The following SATL1 variants were observed in gnomAD, a reference collection of about 807,000 sequenced individuals.
SATL1 encodes the protein spermidine/spermine N(1)-acetyltransferase-like protein 1.
Under a neutral mutation model 51.8 loss-of-function variants are expected in SATL1, and 47 were observed. The ratio of observed to expected loss-of-function variants is 0.91; its 90% CI spans 0.72 to 1.16. SATL1 has a LOEUF of 1.16. Among genes scored for constraint, SATL1 ranks in the 50% most tolerant of loss-of-function variants. The probability of loss-of-function intolerance (pLI) is 0.00; values close to 1 mark genes in which losing one functional copy is unlikely to be tolerated. For synonymous variants in SATL1, 176 were observed against 182.4 expected (o/e 0.97, Z 0.28); for missense variants, 520 against 526.4 (o/e 0.99, Z 0.12).
intron 2 of SATL1, among the ~76,000 whole-genome samples, chrX:85,146,401 T>C (rs942270154): frequency 2.7e-5 from 3 of 111,887 alleles, no homozygotes. Flanking sequence ...TTTACCCTGA[T>C]ATGATGAATA....
At chrX:85,095,805 G>A (rs1375930118) in intron 4 of SATL1, among the ~76,000 whole-genome samples, 1 of 83,908 alleles carries the variant, frequency 1.2e-5, no homozygotes, top group East Asian at 3.8e-4. Flanking sequence ...CAGCCTGGGC[G>A]ACAGAGCGAG....
intron 2 of SATL1, among the ~76,000 whole-genome samples, chrX:85,170,244 T>C (rs977189194): frequency 2.7e-5 from 3 of 111,042 alleles, no homozygotes; most frequent in African/African-American, 9.8e-5. Context: ...TTTTCCTCTA[T>C]AACAAACCTG....
intron 2 of SATL1, chrX:85,156,481 C>T (rs1047885053): frequency 9.1e-6 from 1 of 110,121 alleles, no homozygotes; most frequent in South Asian, 3.8e-4. Context: ...AGAAATGCCT[C>T]GGAGAAACAA....
chrX:85,232,334 C>T (rs1169324421), intron 1 of SATL1, among the ~76,000 whole-genome samples: 4 of 110,893 alleles, frequency 3.6e-5, no homozygotes, highest in South Asian at 3.9e-4. Flanking sequence ...CTTAAGGTGG[C>T]GAGTGCTGGC....
At chrX:85,208,476 A>G (rs182313492) in intron 2 of SATL1, among the ~76,000 whole-genome samples, 1 of 111,569 alleles carries the variant, frequency 9.0e-6, no homozygotes, top group African/African-American at 3.3e-5. Flanking sequence ...GGATCGCCAC[A>G]CTGTCTTCCA....
intron 2 of SATL1, among the ~76,000 whole-genome samples, chrX:85,206,316 TCAA>T (rs762863765): frequency 1.4e-4 from 16 of 111,606 alleles, no homozygotes; most frequent in Admixed American, 3.8e-4. Flanking sequence ...CTTAGATACT[TCAA>T]CACTTAGAGG....
chrX:85,233,717 A>G (rs1370804831), intron 1 of SATL1, among the ~76,000 whole-genome samples: 1 of 112,166 alleles, frequency 8.9e-6, no homozygotes, highest in Non-Finnish European at 1.9e-5. Context: ...GCTTTGAGAT[A>G]GATTATTTGA....
intron 2 of SATL1, among the ~76,000 whole-genome samples, chrX:85,160,840 T>A (rs1926702114): frequency 9.0e-6 from 1 of 110,606 alleles, no homozygotes; most frequent in Non-Finnish European, 1.9e-5. Flanking sequence ...CTCCAGTAAG[T>A]TACTTCACAA....
chrX:85,147,974 G>C (rs778925335), intron 2 of SATL1, among the ~76,000 whole-genome samples: 2 of 112,278 alleles, frequency 1.8e-5, no homozygotes, highest in African/African-American at 6.5e-5. Context: ...GTTGGACGGA[G>C]AATGACTTTG....
intron 2 of SATL1, among the ~76,000 whole-genome samples, chrX:85,185,616 C>G (rs1174052774): frequency 1.8e-5 from 2 of 111,721 alleles, no homozygotes; most frequent in African/African-American, 6.5e-5. Context: ...CTACCCCAGG[C>G]CTGTGGCAAG....
rs747903113 is a variant in SATL1 at position 85,107,671 on chromosome X, G to A, written c.1298C>T (p.Pro433Leu). 2.5e-6 allele frequency: 3 copies of A among 1,208,626 alleles called. No homozygotes were observed. The highest frequency in any genetic ancestry group is 3.4e-6 in the Non-Finnish European group (3 of 894,425). ...QPVPRQPNKS[P>L]PGMWQRGMWQ... ...CATGCCTCGTTGCCACATGCCTGGT[G>A]GACTCTTGTTTGGTTGCCTCGGGAC... Residue 433 changes from proline (P) to leucine (L), a missense_variant, in exon 3 of 8, where the codon CCA becomes CTA. Around this residue, in one of 3 missense-constraint regions of SATL1, gnomAD observed 488 missense variants for 474.3 expected, o/e 1.03. Coordinates refer to ENST00000644105, the MANE Select transcript of SATL1 (RefSeq NM_001367857.2).
intron 2 of SATL1, among the ~76,000 whole-genome samples, chrX:85,186,806 T>G (rs1211334084): frequency 8.9e-6 from 1 of 111,940 alleles, no homozygotes; most frequent in Non-Finnish European, 1.9e-5. Context: ...GTGTGATTGT[T>G]CACCTGATTT....
At chrX:85,141,764 A>C (rs1359960313) in intron 2 of SATL1, among the ~76,000 whole-genome samples, 1 of 109,816 alleles carries the variant, frequency 9.1e-6, no homozygotes, top group Non-Finnish European at 1.9e-5. Flanking sequence ...CCTGTCAAAA[A>C]CCAATGGATT....
chrX:85,105,514 C>A lies in SATL1; in HGVS notation c.1642-1599G>T, dbSNP rs979738274. 6.3e-5 allele frequency among the ~76,000 whole-genome samples: 7 copies of A among 111,650 alleles called. No homozygotes were observed. In the East Asian group the frequency reaches 2.0e-3, roughly 31 times the overall value. ...TGGTCCAAAACCACACTTTAAGGACCACCACAATAAAAAGCTTTAGAAATT... is the reference window on the plus strand; with the variant it reads ...TGGTCCAAAACCACACTTTAAGGACAACCACAATAAAAAGCTTTAGAAATT... On this transcript the variant is annotated intron_variant, in intron 3 of 7. Transcript: ENST00000644105.
rs182358166 is a variant in SATL1, at chrX:85,188,377, G to C, written c.-313+35828C>G. Among the ~76,000 whole-genome samples, 11 of 111,682 alleles carry C rather than the reference G, an allele frequency of 9.8e-5. No individual in the cohort carries two copies. In the East Asian group the frequency reaches 1.7e-3, roughly 17 times the overall value. ...GGGAAGAGGTGTGTGGTGTGTATGT[G>C]TGTTAAGTTATGGTAAGAAGTAAAA... On this transcript the variant is annotated intron_variant, in intron 2 of 7. Transcript: ENST00000644105.
At chrX:85,222,034 T>C (rs1928188241) in intron 2 of SATL1, among the ~76,000 whole-genome samples, 1 of 111,709 alleles carries the variant, frequency 9.0e-6, no homozygotes, top group Non-Finnish European at 1.9e-5. Flanking sequence ...GAGGCTGCTA[T>C]TGTAAGTTCT....
intron 2 of SATL1, among the ~76,000 whole-genome samples, chrX:85,112,277 G>T (rs1490912385): frequency 1.8e-5 from 2 of 110,992 alleles, no homozygotes; most frequent in African/African-American, 6.6e-5. Context: ...GCTTAAACCT[G>T]GGAGGTGGAG....
intron 2 of SATL1, among the ~76,000 whole-genome samples, chrX:85,125,736 A>T (rs1042021422): frequency 3.7e-5 from 4 of 107,271 alleles, no homozygotes; most frequent in Non-Finnish European, 5.7e-5. Context: ...GATGAAAAAA[A>T]TTTTTAAATA....
chrX:85,159,743 C>T (rs986918171), intron 2 of SATL1, among the ~76,000 whole-genome samples: 6 of 111,356 alleles, frequency 5.4e-5, no homozygotes, highest in Non-Finnish European at 1.1e-4. Context: ...GAGGGTCCCC[C>T]TGACCAAGCC....
Sources: gnomAD v4.1 joint callset for allele counts (sites outside exome capture counted in the v4.1 genomes callset) on GRCh38, gnomAD v4.1.1 for gene constraint, gnomAD v4.1.1 regional missense constraint, MANE v1.5 for transcripts, NCBI Gene and HGNC (gene_info 2026-07-23, HGNC 2026-07-21) for gene names.